The following GRID1 variants were observed in gnomAD, a reference collection of about 807,000 sequenced individuals.
The protein encoded by GRID1 is glutamate ionotropic receptor delta type subunit 1.
GRID1 carries 28 observed loss-of-function variants against 98.0 expected under a neutral mutation model. The ratio of observed to expected loss-of-function variants is 0.29; its 90% CI spans 0.21 to 0.39. The LOEUF (loss-of-function observed/expected upper bound fraction) is 0.39. GRID1 is among the 10% of genes least tolerant of loss of function. The pLI, the probability that GRID1 is intolerant of heterozygous loss-of-function variation, is 1.00. For missense variants in GRID1, 1,111 were observed against 1,340.5 expected (o/e 0.83, Z 2.67); for synonymous variants, 553 against 538.5 (o/e 1.03, Z -0.37).
intron 3 of GRID1, among the ~76,000 whole-genome samples, chr10:86,179,321 A>T (rs1416394727): frequency 1.4e-5 from 2 of 144,168 alleles, no homozygotes; most frequent in Non-Finnish European, 3.0e-5. Context: ...CCCTCCCTCC[A>T]TCTTTCTCCT....
intron 6 of GRID1, among the ~76,000 whole-genome samples, chr10:85,865,944 C>CATATATATATAT (rs1244958360): frequency 1.5e-5 from 1 of 65,804 alleles, no homozygotes; most frequent in Non-Finnish European, 2.8e-5. Flanking sequence ...TATATATATA[C>CATATATATATAT]ACATATATAT....
intron 4 of GRID1, among the ~76,000 whole-genome samples, chr10:85,952,965 C>T (rs1014150165): frequency 1.1e-4 from 17 of 152,086 alleles, no homozygotes; most frequent in Admixed American, 1.0e-3. Flanking sequence ...TGAATAGTAA[C>T]TATATTTTTT....
intron 2 of GRID1, among the ~76,000 whole-genome samples, chr10:86,240,496 G>T (rs1378587210): frequency 6.6e-6 from 1 of 152,054 alleles, no homozygotes; most frequent in African/African-American, 2.4e-5. Flanking sequence ...AGGGAAGGCA[G>T]CAGGTCAGTG....
chr10:85,979,255 G>T (rs1418037776), intron 4 of GRID1, among the ~76,000 whole-genome samples: 8 of 152,110 alleles, frequency 5.3e-5, no homozygotes, highest in African/African-American at 1.9e-4. Flanking sequence ...CACCTACCCT[G>T]TATCTGTGCA....
At chr10:85,904,877 T>C (rs984107927) in intron 5 of GRID1, among the ~76,000 whole-genome samples, 1 of 152,090 alleles carries the variant, frequency 6.6e-6, no homozygotes, top group African/African-American at 2.4e-5. Context: ...AAAAACCTAG[T>C]ATCTGCGTAA....
intron 5 of GRID1, among the ~76,000 whole-genome samples, chr10:85,889,070 G>A (rs556096420): frequency 6.6e-6 from 1 of 152,254 alleles, no homozygotes; most frequent in African/African-American, 2.4e-5. Context: ...AGGTCTACTT[G>A]GATTTTAAAA....
intron 4 of GRID1, among the ~76,000 whole-genome samples, chr10:86,093,478 G>A (rs551520168): frequency 1.7e-4 from 25 of 150,322 alleles, no homozygotes; most frequent in South Asian, 4.2e-4. Flanking sequence ...ACCAAGAAGA[G>A]AGAAAATCTA....
intron 8 of GRID1, among the ~76,000 whole-genome samples, chr10:85,788,731 A>G (rs2132737434): frequency 6.6e-6 from 1 of 152,376 alleles, no homozygotes; most frequent in Admixed American, 6.5e-5. Context: ...TTGGAGGTGC[A>G]CAGGCACATA....
At chr10:86,311,544 T>A (rs554989369) in intron 2 of GRID1, among the ~76,000 whole-genome samples, 1 of 152,276 alleles carries the variant, frequency 6.6e-6, no homozygotes, top group South Asian at 2.1e-4. Flanking sequence ...ACCACACTTG[T>A]ATGATAAATG....
At chr10:86,230,402 T>A (rs1340062266) in intron 2 of GRID1, among the ~76,000 whole-genome samples, 1 of 152,162 alleles carries the variant, frequency 6.6e-6, no homozygotes, top group South Asian at 2.1e-4. Context: ...TGTGCCACAT[T>A]TGGCTTCCCT....
rs140239679 is a variant in GRID1, at chr10:86,061,705, G to A, written c.726+77114C>T. Among the ~76,000 whole-genome samples, 439 of 152,124 alleles carry A rather than the reference G, an allele frequency of 2.9e-3. 1 individual carries two copies. Among genetic ancestry groups the A allele is most frequent in the Non-Finnish European group, 3.9e-3 (267 of 67,994 alleles). On this transcript the variant is annotated intron_variant, in intron 4 of 15. Coordinates refer to ENST00000327946, the MANE Select transcript of GRID1 (RefSeq NM_017551.3). ...CTGTCCCTCCTGCCAGTGCTCCAAG[G>A]GCCATCCCTGCATGCTCAGGCTTCA...
At position 86,366,365 on chromosome 10, in the gene GRID1, G is replaced by A. The variant is rs1345018003; in HGVS notation, c.28C>T (p.Pro10Ser). The change falls in exon 1 of 16, where the codon CCC becomes TCC. Residue 10 changes from proline (P) to serine (S), a missense_variant. By Grantham distance (74) the Pro-to-Ser change is moderately conservative. Coordinates refer to ENST00000327946, the MANE Select transcript of GRID1 (RefSeq NM_017551.3). This position sits in a 1 kb window ranked among gnomAD's most constrained non-coding sequence, Gnocchi z 4.1. MEALTLWLLPWICQCVSVRA... is the reference protein window; with the variant it reads MEALTLWLLSWICQCVSVRA... ...ACCGACACGCACTGGCATATCCAGG[G>A]GAGAAGCCACAGCGTCAGCGCTTCC... The A allele has an allele frequency of 9.9e-6, 15 of 1,519,434 alleles. No homozygotes were observed. The East Asian group carries it at 3.2e-4, about 32-fold the overall frequency. The allele number at this position is 1,519,434 out of a possible 1,614,324, so 94.1% of individuals were successfully genotyped here.
intron 8 of GRID1, among the ~76,000 whole-genome samples, chr10:85,751,903 A>G (rs1423116527): frequency 6.6e-6 from 1 of 152,210 alleles, no homozygotes; most frequent in East Asian, 1.9e-4. Flanking sequence ...AAATAATTTT[A>G]TGCAAGCCCA....
chr10:85,905,325 T>C (rs1841444742), intron 5 of GRID1, among the ~76,000 whole-genome samples: 1 of 151,820 alleles, frequency 6.6e-6, no homozygotes, highest in East Asian at 1.9e-4. Flanking sequence ...TTTTCAGACA[T>C]ACAAAAGCGG....
intron 4 of GRID1, among the ~76,000 whole-genome samples, chr10:86,053,415 T>C (rs1227961833): frequency 6.6e-6 from 1 of 151,914 alleles, no homozygotes; most frequent in African/African-American, 2.4e-5. Flanking sequence ...TAGAGTGCAG[T>C]GGCGCAATCT....
intron 15 of GRID1, among the ~76,000 whole-genome samples, chr10:85,609,687 G>A (rs565645806): frequency 6.6e-6 from 1 of 152,220 alleles, no homozygotes; most frequent in African/African-American, 2.4e-5. Context: ...TCCTGTGTGC[G>A]ATGGAAACCG....
chr10:86,215,146 C>T (rs769293756), intron 2 of GRID1, among the ~76,000 whole-genome samples: 9 of 152,202 alleles, frequency 5.9e-5, no homozygotes, highest in Non-Finnish European at 1.2e-4. Context: ...GCAGCAGCAG[C>T]TGTGCAAGTA....
chr10:86,006,616 A>T (rs967783684), intron 4 of GRID1, among the ~76,000 whole-genome samples: 1 of 143,440 alleles, frequency 7.0e-6, no homozygotes, highest in East Asian at 2.0e-4. Context: ...GACGCCGTCT[A>T]AAAAAAAAAA....
At chr10:86,322,892 G>A (rs1847990547) in intron 2 of GRID1, among the ~76,000 whole-genome samples, 1 of 149,150 alleles carries the variant, frequency 6.7e-6, no homozygotes. Context: ...AGGAGTTCAA[G>A]ACCAGCCTGA....
Sources: allele counts gnomAD v4.1 joint callset (sites outside exome capture counted in the v4.1 genomes callset), GRCh38; gene constraint gnomAD v4.1.1; non-coding constraint Gnocchi (gnomAD v3.1); transcripts MANE v1.5; gene names NCBI Gene and HGNC (gene_info 2026-07-23, HGNC 2026-07-21).